Variants in PAX7 observed in about 807,000 individuals in gnomAD.
PAX7 encodes the protein paired box 7, also known as paired box protein Pax-7.
Under a neutral mutation model 50.7 loss-of-function variants are expected in PAX7, and 18 were observed. The observed-to-expected ratio is 0.36, with a 90% CI of 0.25 to 0.53. The LOEUF is 0.53. Ranked by LOEUF, PAX7 falls within the 20% of genes least tolerant of loss-of-function variation. PAX7 has a pLI of 0.93. For missense variants in PAX7, 644 were observed against 702.9 expected, an observed-to-expected ratio of 0.92 and a Z score of 0.95; for synonymous variants, 310 against 290.4, an observed-to-expected ratio of 1.07 and a Z score of -0.69.
intron 4 of PAX7, among the ~76,000 whole-genome samples, chr1:18,685,113 T>C (rs933646910): frequency 3.9e-5 from 6 of 152,192 alleles, no homozygotes; most frequent in Admixed American, 2.0e-4. Flanking sequence ...TGTAGCCATA[T>C]TGGCCTTCTC....
At position 18,675,980 on chromosome 1, in the gene PAX7, C is replaced by T. The variant is rs137992653; in HGVS notation, c.587-15774C>T. The stretch of plus-strand genomic sequence containing the variant: ...CAGGAGCTGGCTCCAAGCCGGGGTC[C>T]GCTCAGGACCAAGTTTTCCAGGGTT... On this transcript the variant is annotated intron_variant, in intron 4 of 8. Transcript: ENST00000420770. Among the ~76,000 whole-genome samples, 41 of 152,262 alleles carry T rather than the reference C, an allele frequency of 2.7e-4. 1 individual carries two copies. In the East Asian group the frequency reaches 3.5e-3, roughly 13 times the overall value.
chr1:18,692,003 A>G, intron 5 of PAX7, 50 bp downstream of exon 5: 1 of 1,562,252 alleles, frequency 6.4e-7, no homozygotes, highest in Non-Finnish European at 8.7e-7. Flanking sequence ...CCAGAGATTC[A>G]GAAGTTTGGG....
intron 5 of PAX7, among the ~76,000 whole-genome samples, chr1:18,699,979 C>A (rs2089196705): frequency 6.6e-6 from 1 of 152,032 alleles, no homozygotes; most frequent in African/African-American, 2.4e-5. Flanking sequence ...TAGGAGAATA[C>A]GTCTCATGGG....
chr1:18,658,267 G>C (rs773093483), intron 4 of PAX7, among the ~76,000 whole-genome samples: 38 of 129,644 alleles, frequency 2.9e-4, no homozygotes, highest in Non-Finnish European at 4.7e-4. Context: ...CCCCCACAAA[G>C]GTCCTGGAGC....
chr1:18,687,882 C>T (rs2088999999), intron 4 of PAX7, among the ~76,000 whole-genome samples: 1 of 152,130 alleles, frequency 6.6e-6, no homozygotes, highest in African/African-American at 2.4e-5. Flanking sequence ...CCCCAGATCC[C>T]TGCAGAATAA....
rs182373951 is a variant in PAX7 at position 18,712,857 on chromosome 1, G to A, written c.1155+9561G>A. Among the ~76,000 whole-genome samples the A allele has an allele frequency of 2.2e-3, 341 of 152,244 alleles. 2 individuals are homozygous for A. The highest frequency in any genetic ancestry group is 7.7e-3 in the African/African-American group (319 of 41,540). On this transcript the variant is annotated intron_variant, in intron 7 of 8. Transcript: ENST00000420770. ...AGCACTTTGGGAGGCTGAGGCGGGC[G>A]GATCGCTTGAGGTCAGGAGACTGAG...
At chr1:18,685,805 G>T (rs1191817657) in intron 4 of PAX7, among the ~76,000 whole-genome samples, 7 of 152,208 alleles carry the variant, frequency 4.6e-5, no homozygotes, top group African/African-American at 1.7e-4. Context: ...GTCAGTGATG[G>T]CTTCCAGAGG....
intron 4 of PAX7, among the ~76,000 whole-genome samples, chr1:18,674,466 G>A (rs549713051): frequency 1.6e-4 from 25 of 152,162 alleles, no homozygotes; most frequent in Admixed American, 1.5e-3. Flanking sequence ...AAGAAGAGGT[G>A]AAAAGAGGTG....
intron 4 of PAX7, among the ~76,000 whole-genome samples, chr1:18,674,767 G>A (rs988612245): frequency 2.6e-5 from 4 of 152,222 alleles, no homozygotes; most frequent in Non-Finnish European, 4.4e-5. Flanking sequence ...CTTTCACAGA[G>A]CAGCGTGGTC....
chr1:18,647,977 C>G (rs1204185351), intron 4 of PAX7, among the ~76,000 whole-genome samples: 2 of 152,176 alleles, frequency 1.3e-5, no homozygotes, highest in Non-Finnish European at 2.9e-5. Flanking sequence ...GGTAGAAACG[C>G]ACAGAGCCAG....
chr1:18,638,319 G>A (rs58108908), intron 4 of PAX7, among the ~76,000 whole-genome samples: 2,557 of 152,286 alleles, frequency 0.017, 69 homozygotes, highest in African/African-American at 0.058. Context: ...GGAATGCGGG[G>A]CGTTCCATGC....
intron 4 of PAX7, among the ~76,000 whole-genome samples, chr1:18,682,658 C>A (rs571830380): frequency 6.6e-6 from 1 of 152,174 alleles, no homozygotes; most frequent in Non-Finnish European, 1.5e-5. Flanking sequence ...TGAGCTGCCA[C>A]CCCCTCCTCT....
At chr1:18,635,278 T>G (rs1419727794) in intron 3 of PAX7, 38 bp downstream of exon 3, 1 of 1,609,252 alleles carries the variant, frequency 6.2e-7, no homozygotes, top group Non-Finnish European at 8.5e-7. Flanking sequence ...TGGCCCAGAG[T>G]GTGGCCAGGG....
At chr1:18,635,261 G>C in intron 3 of PAX7, 21 bp downstream of exon 3, 1 of 1,612,200 alleles carries the variant, frequency 6.2e-7, no homozygotes. Context: ...AGCTGAGCCG[G>C]CAGAGCTGGC....
chr1:18,670,195 T>A (rs900605439), intron 4 of PAX7, among the ~76,000 whole-genome samples: 1 of 151,956 alleles, frequency 6.6e-6, no homozygotes, highest in African/African-American at 2.4e-5. Flanking sequence ...ACCCCCTGCC[T>A]ATAAATAGTA....
chr1:18,733,367 C>G (rs1453105479), intron 7 of PAX7, among the ~76,000 whole-genome samples: 1 of 152,098 alleles, frequency 6.6e-6, no homozygotes, highest in African/African-American at 2.4e-5. Flanking sequence ...CCAAAGGACT[C>G]TAGACCCTCC....
chr1:18,675,594 C>A lies in PAX7; in HGVS notation c.587-16160C>A, dbSNP rs185886446. 5.1e-3 allele frequency among the ~76,000 whole-genome samples: 783 copies of A among 152,270 alleles called. 13 individuals are homozygous for A. The highest frequency in any genetic ancestry group is 4.5e-3 in the Non-Finnish European group (309 of 68,012). ...AGGACCCCTTCTCAGGCTGTCCCCC[C>A]AACCCCACCTGCTGTCCTGCTCTCT... On this transcript the variant is annotated intron_variant, in intron 4 of 8. Transcript: ENST00000420770.
At chr1:18,731,932 G>A (rs1042947485) in intron 7 of PAX7, among the ~76,000 whole-genome samples, 1 of 152,156 alleles carries the variant, frequency 6.6e-6, no homozygotes, top group East Asian at 1.9e-4. Context: ...GACTGCACAA[G>A]CCCTCGCAGC....
intron 4 of PAX7, among the ~76,000 whole-genome samples, chr1:18,644,551 T>C (rs1038532508): frequency 2.0e-5 from 3 of 152,104 alleles, no homozygotes; most frequent in Non-Finnish European, 4.4e-5. Context: ...TAAAGGGGTC[T>C]TTGGGGCTTC....
Sources: gnomAD v4.1 joint callset for allele counts (sites outside exome capture counted in the v4.1 genomes callset) on GRCh38, gnomAD v4.1.1 for gene constraint, MANE v1.5 for transcripts, NCBI Gene and HGNC (gene_info 2026-07-23, HGNC 2026-07-21) for gene names.